POLL: variants seen among roughly 807,000 people sequenced by gnomAD.
The protein encoded by POLL is DNA polymerase beta-2.
Under a neutral mutation model 58.1 loss-of-function variants are expected in POLL, and 44 were observed. That is an observed-to-expected ratio of 0.76 (90% CI 0.60 to 0.97). POLL has a LOEUF of 0.97. POLL is among the 50% of genes least tolerant of loss of function. The pLI, the probability that POLL is intolerant of heterozygous loss-of-function variation, is 0.00. For missense variants in POLL, 632 were observed against 736.8 expected (o/e 0.86, Z 1.65); for synonymous variants, 290 against 283.2 (o/e 1.02, Z -0.24).
Position 101,582,687 on chromosome 10 carries a change from T to C in POLL, c.1194+76A>G, listed in dbSNP as rs186433378. 5.5e-5 allele frequency: 80 copies of C among 1,445,406 alleles called. No individual in the cohort carries two copies. The African/African-American group carries it at 1.0e-3, about 19-fold the overall frequency. 89.5% of individuals were successfully genotyped at this position (1,445,406 alleles called of 1,614,324 possible). A position where few individuals can be genotyped will look rare whatever the true frequency, so the allele number is the denominator to read the frequency against. Reference sequence around the variant, plus strand: ...CCTGCTGTCCTCCCCAGCTGAGGAGTTGGGGGTTCTTGGCTTTGACCCAAG... The same window carrying C: ...CCTGCTGTCCTCCCCAGCTGAGGAGCTGGGGGTTCTTGGCTTTGACCCAAG... On this transcript the variant is annotated intron_variant, in intron 7 of 8. Transcript: ENST00000370162.
Position 101,579,338 on chromosome 10 carries a change from A to C in POLL, c.*115T>G. On this transcript the variant is annotated 3_prime_UTR_variant, in exon 9 of 9. Transcript: ENST00000370162. This position sits in a 1 kb window ranked among gnomAD's most constrained non-coding sequence, Gnocchi z 4.4. Reference sequence around the variant, plus strand: ...CCAGAGCCCTGGGCCCTGCTCGCTGAGGAAGCTGGTGGTTGGAGCGGCGAG... The same window carrying C: ...CCAGAGCCCTGGGCCCTGCTCGCTGCGGAAGCTGGTGGTTGGAGCGGCGAG... 7.9e-7 allele frequency: 1 copy of C among 1,269,074 alleles called. No individual in the cohort carries two copies. Among genetic ancestry groups the C allele is most frequent in the Non-Finnish European group, 1.1e-6 (1 of 925,550 alleles). The allele number at this position is 1,269,074 out of a possible 1,614,324, so 78.6% of individuals were successfully genotyped here.
At chr10:101,585,796 T>G (rs2063293390) in intron 3 of POLL, 66 bp downstream of exon 3, 2 of 1,337,346 alleles carry the variant, frequency 1.5e-6, no homozygotes, top group East Asian at 4.9e-5. Context: ...TTATTTTTAA[T>G]AATTCAAGAA....
At position 101,587,269 on chromosome 10, in the gene POLL, C is replaced by T; in HGVS notation, c.92G>A (p.Arg31Lys). ...ACCTTCTGCTTCTTCTCCCTCTTCC[C>T]TCCTAGGAATCTTTGCAAGTACTTT... Reference protein sequence around the residue: ...SSKVLAKIPRREEGEEAEEWL... With the variant: ...SSKVLAKIPRKEEGEEAEEWL... Residue 31 changes from arginine (R) to lysine (K), a missense_variant, in exon 2 of 9, where the codon AGG (arginine) becomes AAG (lysine). Transcript: ENST00000370162. The T allele has an allele frequency of 6.2e-7, 1 of 1,614,052 alleles. No homozygotes were observed. The highest frequency in any genetic ancestry group is 1.3e-5 in the African/African-American group (1 of 75,032).
rs1564857108 is a variant in POLL, at chr10:101,579,647, A to G, written c.1534T>C (p.Phe512Leu). Residue 512 changes from phenylalanine (F) to leucine (L), a missense_variant, in exon 9 of 9, where the codon TTC becomes CTC. Transcript: ENST00000370162. The surrounding 1 kb of genome is among the most constrained non-coding windows in gnomAD (Gnocchi z 4.4). The part of the protein sequence containing the change: ...ALLYFTGSAH[F>L]NRSMRALAKT... Reference sequence around the variant, plus strand: ...GCCAGGGCTCGCATGGAGCGGTTGAAGTGTGCAGAGCCGGTGAAGTAGAGC... The same window carrying G: ...GCCAGGGCTCGCATGGAGCGGTTGAGGTGTGCAGAGCCGGTGAAGTAGAGC... 6.2e-7 allele frequency: 1 copy of G among 1,613,938 alleles called. No homozygotes were observed. The highest frequency in any genetic ancestry group is 1.3e-5 in the African/African-American group (1 of 75,012).
chr10:101,582,137 G>C (rs181786028), intron 7 of POLL: 4 of 152,890 alleles, frequency 2.6e-5, no homozygotes, highest in African/African-American at 7.2e-5. Flanking sequence ...TGGGATTAAA[G>C]GCATAAGCCA....
chr10:101,586,369 T>TACA (rs1453272338), intron 2 of POLL, among the ~76,000 whole-genome samples: 1 of 152,244 alleles, frequency 6.6e-6, no homozygotes, highest in African/African-American at 2.4e-5. Context: ...GACAAGGATT[T>TACA]TCATACGTCC....
chr10:101,580,108 TAGAG>T lies in POLL; in HGVS notation c.1363+136_1363+139del. 1 of 800,784 alleles carries T rather than the reference TAGAG, an allele frequency of 1.2e-6. No individual in the cohort carries two copies. The highest frequency in any genetic ancestry group is 2.6e-5 in the East Asian group (1 of 38,644). The allele number at this position is 800,784 out of a possible 1,614,324, so 49.6% of individuals were successfully genotyped here. ...TCCCTGGAGAGGATTCCGGCCCCGA[TAGAG>T]AGATGGGATGCTGGCAAAGCACTGT... On this transcript the variant is annotated intron_variant, in intron 8 of 8. Coordinates refer to ENST00000370162, the MANE Select transcript of POLL (RefSeq NM_001174084.2). The surrounding 1 kb of genome is among the most constrained non-coding windows in gnomAD (Gnocchi z 4.1).
intron 3 of POLL, 100 bp from the exon 4 acceptor site, chr10:101,585,578 C>A: frequency 1.8e-6 from 2 of 1,141,948 alleles, no homozygotes; most frequent in South Asian, 1.9e-5. Context: ...CCAGTGTGTC[C>A]AATTAAGAAA....
intron 2 of POLL, 53 bp downstream of exon 2, chr10:101,587,193 C>T (rs1389854776): frequency 1.9e-6 from 3 of 1,613,528 alleles, no homozygotes; most frequent in East Asian, 4.5e-5. Context: ...GGCTGAAGCA[C>T]ATGAAGGCTG....
chr10:101,587,821 C>T lies in POLL; in HGVS notation c.-47+1G>A, dbSNP rs1479308489. The stretch of plus-strand genomic sequence containing the variant: ...ATAAACCCCACATACTATTTCTCTA[C>T]CTCCAACACAGACTCGCAGAGGAAG... On this transcript the variant is annotated splice_donor_variant, in intron 1 of 8. Coordinates refer to ENST00000370162, the MANE Select transcript of POLL (RefSeq NM_001174084.2). LOFTEE classifies it low-confidence loss of function (5UTR_SPLICE). 4 of 1,190,162 alleles carry T rather than the reference C, an allele frequency of 3.4e-6. No individual in the cohort carries two copies. The highest frequency in any genetic ancestry group is 3.2e-6 in the Non-Finnish European group (3 of 942,270). 73.7% of individuals were successfully genotyped at this position (1,190,162 alleles called of 1,614,324 possible).
chr10:101,582,719 C>T, intron 7 of POLL, 44 bp downstream of exon 7: 2 of 1,602,946 alleles, frequency 1.2e-6, no homozygotes, highest in Non-Finnish European at 1.7e-6. Context: ...CAAGACCTTA[C>T]AGCAGGACCT....
chr10:101,582,928 C>G (rs774342983), intron 6 of POLL, 37 bp from the exon 7 acceptor site: 2 of 1,613,838 alleles, frequency 1.2e-6, no homozygotes, highest in East Asian at 4.5e-5. Flanking sequence ...CTGTAAGGAT[C>G]CAGGACCAAT....
At position 101,579,641 on chromosome 10, in the gene POLL, G is replaced by T; in HGVS notation, c.1540C>A (p.Arg514Ser). ...GTTTTGGCCAGGGCTCGCATGGAGCGGTTGAAGTGTGCAGAGCCGGTGAAG... is the reference window on the plus strand; with the variant it reads ...GTTTTGGCCAGGGCTCGCATGGAGCTGTTGAAGTGTGCAGAGCCGGTGAAG... ...LYFTGSAHFNRSMRALAKTKG... is the reference protein window; with the variant it reads ...LYFTGSAHFNSSMRALAKTKG... The change falls in exon 9 of 9, where the codon CGC becomes AGC. Residue 514 changes from arginine (R) to serine (S), a missense_variant. Coordinates refer to ENST00000370162, the MANE Select transcript of POLL (RefSeq NM_001174084.2). This position sits in a 1 kb window ranked among gnomAD's most constrained non-coding sequence, Gnocchi z 4.4. 6.2e-7 allele frequency: 1 copy of T among 1,613,984 alleles called. No homozygotes were observed.
Position 101,583,644 on chromosome 10 carries a change from G to A in POLL, c.929C>T (p.Ala310Val). The A allele has an allele frequency of 1.9e-6, 3 of 1,614,164 alleles. No individual in the cohort carries two copies. Among genetic ancestry groups the A allele is most frequent in the Non-Finnish European group, 2.5e-6 (3 of 1,180,044 alleles). Residue 310 changes from alanine (A) to valine (V), a missense_variant, in exon 6 of 9, where the codon GCT becomes GTT. Transcript: ENST00000370162. ...CSIPGIGKRM[A>V]EKIIEILESG... is the part of the protein sequence containing the mutation. ...CTCCAGGATCTCTATGATTTTCTCA[G>A]CCATCCGCTTCCCAATCCCAGGGAT...
At chr10:101,587,070 A>T (rs141990972) in intron 2 of POLL, 176 bp downstream of exon 2, 2 of 1,357,294 alleles carry the variant, frequency 1.5e-6, no homozygotes, top group African/African-American at 1.4e-5. Context: ...CACAGCAAAT[A>T]GCCTGTCCAA....
At position 101,579,788 on chromosome 10, in the gene POLL, C is replaced by G. The variant is rs763239766; in HGVS notation, c.1393G>C (p.Glu465Gln). ...GFLTDDLVSQ[E>Q]ENGQQQKYLG... ...TACTTCTGTTGCTGACCATTCTCCT[C>G]TTGGCTCACCAAGTCATCTGTGAGG... The change falls in exon 9 of 9, where the codon GAG (glutamate) becomes CAG (glutamine). Residue 465 changes from glutamate to glutamine, a missense_variant. Coordinates refer to ENST00000370162, the MANE Select transcript of POLL (RefSeq NM_001174084.2). The surrounding 1 kb of genome is among the most constrained non-coding windows in gnomAD (Gnocchi z 4.4). 3.7e-6 allele frequency: 6 copies of G among 1,613,570 alleles called. No individual in the cohort carries two copies. The highest frequency in any genetic ancestry group is 5.1e-6 in the Non-Finnish European group (6 of 1,179,850).
In POLL at chr10:101,579,421, A is replaced by C. The variant is rs1479505951; in HGVS notation, c.*32T>G. 6.4e-7 allele frequency: 1 copy of C among 1,568,250 alleles called. No individual in the cohort carries two copies. The highest frequency in any genetic ancestry group is 8.6e-7 in the Non-Finnish European group (1 of 1,160,890). On this transcript the variant is annotated 3_prime_UTR_variant, in exon 9 of 9. Coordinates refer to ENST00000370162, the MANE Select transcript of POLL (RefSeq NM_001174084.2). The surrounding 1 kb of genome is among the most constrained non-coding windows in gnomAD (Gnocchi z 4.4). ...GTGGCCAGGAGGGGTAGCCAGTCCA[A>C]CTCGGCTCTCCTCAGCACCCCCAGC...
Position 101,580,284 on chromosome 10 carries a change from TA to T in POLL, c.1326del (p.Ile443SerfsTer20), listed in dbSNP as rs761142533. 1 of 1,614,034 alleles carries T rather than the reference TA, an allele frequency of 6.2e-7. No homozygotes were observed. Among genetic ancestry groups the T allele is most frequent in the Non-Finnish European group, 8.5e-7 (1 of 1,180,008 alleles). ...AGACTGTCAAGGAGGCGGCTGAAGATACCCCGGTGGGACCGGCCATCTGGGT... is the reference window on the plus strand; with the variant it reads ...AGACTGTCAAGGAGGCGGCTGAAGATCCCCGGTGGGACCGGCCATCTGGGT... ...ITHPDGRSHR[G>X]IFSRLLDSLR... is the part of the protein sequence containing the mutation. On this transcript the variant is annotated frameshift_variant, in exon 8 of 9. Transcript: ENST00000370162. LOFTEE classifies it high-confidence loss of function. The surrounding 1 kb of genome is among the most constrained non-coding windows in gnomAD (Gnocchi z 4.1).
chr10:101,579,483 G>A lies in POLL; in HGVS notation c.1698C>T (p.Pro566=). ...EKDVFRLLGL[P]YREPAERDW is the part of the protein sequence containing the mutation. ...AGTCCCGCTCAGCAGGTTCTCGGTAGGGGAGGCCTAAGAGCCTGAAGACAT... is the reference window on the plus strand; with the variant it reads ...AGTCCCGCTCAGCAGGTTCTCGGTAAGGGAGGCCTAAGAGCCTGAAGACAT... Residue 566 remains proline, a synonymous_variant, in exon 9 of 9, where the codon CCC becomes CCT. Coordinates refer to ENST00000370162, the MANE Select transcript of POLL (RefSeq NM_001174084.2). The surrounding 1 kb of genome is among the most constrained non-coding windows in gnomAD (Gnocchi z 4.4). 1 of 1,612,202 alleles carries A rather than the reference G, an allele frequency of 6.2e-7. No homozygotes were observed. The highest frequency in any genetic ancestry group is 8.5e-7 in the Non-Finnish European group (1 of 1,179,484).
Sources: gnomAD v4.1 joint callset for allele counts (sites outside exome capture counted in the v4.1 genomes callset) on GRCh38, gnomAD v4.1.1 for gene constraint, Gnocchi (gnomAD v3.1) non-coding constraint, MANE v1.5 for transcripts, NCBI Gene and HGNC (gene_info 2026-07-23, HGNC 2026-07-21) for gene names.